Variants in CCM2 observed in about 807,000 individuals in gnomAD.
The protein encoded by CCM2 is cerebral cavernous malformations 2 protein.
CCM2 carries 25 observed loss-of-function variants against 44.9 expected under a neutral mutation model. That is an observed-to-expected ratio of 0.56 (90% CI 0.41 to 0.78). The LOEUF (loss-of-function observed/expected upper bound fraction) is 0.78. Ranked by LOEUF, CCM2 falls within the 30% of genes least tolerant of loss-of-function variation. CCM2 has a pLI of 0.00. For synonymous variants in CCM2, 219 were observed against 241.1 expected (o/e 0.91, Z 0.85); for missense variants, 481 against 580.6 (o/e 0.83, Z 1.76).
At chr7:45,020,755 T>C in intron 1 of CCM2, among the ~76,000 whole-genome samples, 1 of 152,224 alleles carries the variant, frequency 6.6e-6, no homozygotes, top group South Asian at 2.1e-4. Context: ...TTTTCCAAAA[T>C]GAACTTGTTA....
intron 1 of CCM2, among the ~76,000 whole-genome samples, chr7:45,018,507 C>G (rs1796354591): frequency 6.6e-6 from 1 of 152,018 alleles, no homozygotes; most frequent in Non-Finnish European, 1.5e-5. Context: ...TAGGCACATA[C>G]CACCACGCCC....
At position 45,069,938 on chromosome 7, in the gene CCM2, C is replaced by T. The variant is rs368626301; in HGVS notation, c.722C>T (p.Thr241Ile). ...RAIFDGASTP[T>I]HHLSLHSDDS... is the part of the protein sequence containing the mutation. ...ATATTTGATGGGGCCTCTACCCCGA[C>T]CCACCACCTGTCCCTGCACAGCGGT... The change falls in exon 6 of 10, where the codon ACC becomes ATC. Residue 241 changes from threonine to isoleucine, a missense_variant. Coordinates refer to ENST00000258781, the MANE Select transcript of CCM2 (RefSeq NM_031443.4). The T allele has an allele frequency of 3.1e-6, 5 of 1,614,100 alleles. No individual in the cohort carries two copies. The highest frequency in any genetic ancestry group is 4.2e-6 in the Non-Finnish European group (5 of 1,180,032).
At chr7:45,072,506 C>T in intron 6 of CCM2, 1 of 634,506 alleles carries the variant, frequency 1.6e-6, no homozygotes, top group Non-Finnish European at 2.9e-6. Flanking sequence ...TTTGCATTTG[C>T]CAGGATCCCC....
intron 2 of CCM2, among the ~76,000 whole-genome samples, chr7:45,045,644 A>G (rs1420893879): frequency 6.6e-6 from 1 of 152,182 alleles, no homozygotes; most frequent in Non-Finnish European, 1.5e-5. Context: ...ACAAAAAATT[A>G]GCCGGACGTG....
chr7:45,000,460 G>C (rs868253711), intron 1 of CCM2, 97 bp downstream of exon 1: 7 of 307,316 alleles, frequency 2.3e-5, no homozygotes, highest in African/African-American at 2.8e-5. Context: ...GGCCCGGGGG[G>C]GGGGGCAGTG....
intron 2 of CCM2, among the ~76,000 whole-genome samples, chr7:45,061,456 C>CTTTTTTTT (rs57140747): frequency 1.1e-3 from 132 of 122,218 alleles, no homozygotes; most frequent in East Asian, 1.6e-3. Flanking sequence ...TTCTTTCTTT[C>CTTTTTTTT]TTTTTTTTTT....
At chr7:45,014,229 T>C (rs999203095) in intron 1 of CCM2, among the ~76,000 whole-genome samples, 4 of 152,118 alleles carry the variant, frequency 2.6e-5, no homozygotes, top group African/African-American at 4.8e-5. Context: ...AACCTCTGCC[T>C]CCCAGGTTCA....
At chr7:45,037,789 G>A (rs1265218394) in intron 1 of CCM2, among the ~76,000 whole-genome samples, 1 of 152,052 alleles carries the variant, frequency 6.6e-6, no homozygotes, top group Non-Finnish European at 1.5e-5. Flanking sequence ...TTCCCCACTG[G>A]GGAAAGAATT....
chr7:45,072,661 G>A (rs1799135856), intron 6 of CCM2, 65 bp from the exon 7 acceptor site: 1 of 1,251,830 alleles, frequency 8.0e-7, no homozygotes, highest in African/African-American at 1.5e-5. Flanking sequence ...GCAGTGGGCT[G>A]GACTCAAAAT....
At chr7:45,031,457 C>T (rs1019860830) in intron 1 of CCM2, among the ~76,000 whole-genome samples, 2 of 151,838 alleles carry the variant, frequency 1.3e-5, no homozygotes, top group East Asian at 3.9e-4. Flanking sequence ...TAGCCCACTG[C>T]AGCTTTGAGC....
intron 1 of CCM2, among the ~76,000 whole-genome samples, chr7:45,007,992 G>T (rs1311609096): frequency 2.6e-5 from 4 of 151,790 alleles, no homozygotes; most frequent in Non-Finnish European, 5.9e-5. Flanking sequence ...CTCTGGTCAG[G>T]TGTGGAAACT....
intron 1 of CCM2, among the ~76,000 whole-genome samples, chr7:45,032,053 A>G (rs796267858): frequency 2.6e-5 from 4 of 152,304 alleles, no homozygotes; most frequent in African/African-American, 9.6e-5. Context: ...ATCCTCAGCG[A>G]GAACAGCAGC....
At chr7:45,047,134 C>T (rs924480875) in intron 2 of CCM2, among the ~76,000 whole-genome samples, 4 of 152,116 alleles carry the variant, frequency 2.6e-5, no homozygotes, top group Non-Finnish European at 5.9e-5. Context: ...AAAATGGTAC[C>T]GCCACTCTAG....
intron 1 of CCM2, among the ~76,000 whole-genome samples, chr7:45,009,834 C>CAA (rs1375534042): frequency 6.6e-6 from 1 of 152,084 alleles, no homozygotes; most frequent in Non-Finnish European, 1.5e-5. Flanking sequence ...AATACATTAG[C>CAA]ATGCATGTCA....
chr7:45,000,916 A>C (rs933777461), intron 1 of CCM2, among the ~76,000 whole-genome samples: 37 of 152,248 alleles, frequency 2.4e-4, no homozygotes, highest in African/African-American at 8.2e-4. Flanking sequence ...GTTTTACAAA[A>C]TGTGGCTTTA....
chr7:45,046,309 AAAG>A (rs1455047842), intron 2 of CCM2, among the ~76,000 whole-genome samples: 3 of 152,250 alleles, frequency 2.0e-5, no homozygotes, highest in African/African-American at 7.2e-5. Flanking sequence ...TAATTTTGAA[AAAG>A]AAGAAAATGA....
chr7:45,033,610 A>T (rs891453929), intron 1 of CCM2, among the ~76,000 whole-genome samples: 1 of 152,162 alleles, frequency 6.6e-6, no homozygotes, highest in Non-Finnish European at 1.5e-5. Context: ...GCAGGCAGAA[A>T]TGGTTTAGGG....
chr7:45,000,993 A>G (rs536101128), intron 1 of CCM2, among the ~76,000 whole-genome samples: 200 of 152,392 alleles, frequency 1.3e-3, no homozygotes, highest in African/African-American at 4.1e-3. Context: ...ATGTGGATTG[A>G]ACTACCATTA....
At chr7:45,071,676 G>T (rs1799079809) in intron 6 of CCM2, 1 of 435,308 alleles carries the variant, frequency 2.3e-6, no homozygotes, top group South Asian at 1.7e-5. Context: ...CAGAGAAGAA[G>T]CCATTTCCTT....
Sources: allele counts gnomAD v4.1 joint callset (sites outside exome capture counted in the v4.1 genomes callset), GRCh38; gene constraint gnomAD v4.1.1; transcripts MANE v1.5; gene names NCBI Gene and HGNC (gene_info 2026-07-23, HGNC 2026-07-21).